MDN1: variants seen among roughly 807,000 people sequenced by gnomAD.
MDN1 encodes midasin.
MDN1 carries 266 observed loss-of-function variants against 669.2 expected under a neutral mutation model. The ratio of observed to expected loss-of-function variants is 0.40; its 90% CI spans 0.36 to 0.44. MDN1 has a LOEUF of 0.44. Ranked by LOEUF, MDN1 falls within the 20% of genes least tolerant of loss-of-function variation. The pLI, the probability that MDN1 is intolerant of heterozygous loss-of-function variation, is 1.00. For synonymous variants in MDN1, 2,385 were observed against 2,457.1 expected (o/e 0.97, Z 0.87); for missense variants, 5,940 against 6,754.0 (o/e 0.88, Z 4.22).
intron 23 of MDN1, among the ~76,000 whole-genome samples, chr6:89,751,114 G>C (rs1316754306): frequency 6.6e-6 from 1 of 152,014 alleles, no homozygotes; most frequent in Admixed American, 6.5e-5. Context: ...AACTATGCTG[G>C]CAACATTTGT....
rs1388019510 is a variant in MDN1 at position 89,743,143 on chromosome 6, C to T, written c.4448+7G>A. The T allele has an allele frequency of 6.2e-7, 1 of 1,613,846 alleles. No individual in the cohort carries two copies. The highest frequency in any genetic ancestry group is 1.1e-5 in the South Asian group (1 of 91,022). On this transcript the variant is annotated splice_region_variant and intron_variant, in intron 31 of 101. Coordinates refer to ENST00000369393, the MANE Select transcript of MDN1 (RefSeq NM_014611.3). ...TCAAACACAAGGCAAACCTCTCAGG[C>T]ACGTACCTGTTGAGTCTTTCCAAGA...
chr6:89,646,683 G>T, intron 99 of MDN1, 80 bp from the exon 100 acceptor site: 1 of 1,242,620 alleles, frequency 8.0e-7, no homozygotes, highest in South Asian at 1.2e-5. Flanking sequence ...TAGTATTTCT[G>T]ACATTGAAGT....
At chr6:89,734,104 G>A (rs1296874966) in intron 33 of MDN1, among the ~76,000 whole-genome samples, 3 of 151,978 alleles carry the variant, frequency 2.0e-5, no homozygotes, top group Admixed American at 1.3e-4. Context: ...GGCCAACATG[G>A]TGAAACCCCG....
At chr6:89,761,098 A>G (rs994447158) in intron 17 of MDN1, among the ~76,000 whole-genome samples, 3 of 152,126 alleles carry the variant, frequency 2.0e-5, no homozygotes, top group Admixed American at 1.3e-4. Context: ...CCCAGGAGGC[A>G]GAGCTTGCAG....
intron 1 of MDN1, among the ~76,000 whole-genome samples, chr6:89,806,966 T>C (rs977122943): frequency 3.9e-5 from 6 of 152,136 alleles, no homozygotes; most frequent in African/African-American, 1.4e-4. Flanking sequence ...TAATCTTAAA[T>C]ATAAAAATAT....
In MDN1 at chr6:89,810,268, T is replaced by G. The variant is rs369896873; in HGVS notation, c.103-6714A>C. Among the ~76,000 whole-genome samples, 29 of 151,824 alleles carry G rather than the reference T, an allele frequency of 1.9e-4. No homozygotes were observed. In the South Asian group the frequency reaches 6.0e-3, roughly 32 times the overall value. On this transcript the variant is annotated intron_variant, in intron 1 of 101. Transcript: ENST00000369393. ...CTGAGCAATACGGTGAAACCCCGTC[T>G]CTACTAAAAATACAAAAATTAGCCG...
intron 59 of MDN1, among the ~76,000 whole-genome samples, chr6:89,698,377 C>A (rs1349517541): frequency 6.6e-5 from 10 of 152,078 alleles, no homozygotes; most frequent in African/African-American, 2.4e-4. Flanking sequence ...AACACTTTAT[C>A]GGTAAGAAAG....
chr6:89,749,596 G>C lies in MDN1; in HGVS notation c.3562C>G (p.Arg1188Gly). 1 of 1,614,158 alleles carries C rather than the reference G, an allele frequency of 6.2e-7. No homozygotes were observed. The highest frequency in any genetic ancestry group is 8.5e-7 in the Non-Finnish European group (1 of 1,180,016). ...ETQEVVKAHPRFMLFATQNPP... is the reference protein window; with the variant it reads ...ETQEVVKAHPGFMLFATQNPP... ...TTTTGGGTGGCAAAAAGCATAAACCGAGGGTGTGCTTTAACAACTTCCTGT... is the reference window on the plus strand; with the variant it reads ...TTTTGGGTGGCAAAAAGCATAAACCCAGGGTGTGCTTTAACAACTTCCTGT... Residue 1188 changes from arginine to glycine, a missense_variant, in exon 25 of 102, where the codon CGG (arginine) becomes GGG (glycine). By Grantham distance (125) the Arg-to-Gly change is moderately radical (BLOSUM62 -2). Coordinates refer to ENST00000369393, the MANE Select transcript of MDN1 (RefSeq NM_014611.3).
intron 79 of MDN1, 127 bp from the exon 80 acceptor site, chr6:89,673,589 A>C (rs1358212835): frequency 1.3e-6 from 1 of 776,244 alleles, no homozygotes; most frequent in African/African-American, 1.7e-5. Flanking sequence ...ACGGCTAAAC[A>C]CATGCCACAA....
chr6:89,708,720 T>C (rs1158242336), intron 50 of MDN1, 92 bp from the exon 51 acceptor site: 5 of 1,367,116 alleles, frequency 3.7e-6, no homozygotes, highest in African/African-American at 1.4e-5. Context: ...TTGTTTTACT[T>C]TGAGCACATT....
chr6:89,662,520 G>GA (rs1235764854), intron 86 of MDN1, among the ~76,000 whole-genome samples: 1 of 152,126 alleles, frequency 6.6e-6, no homozygotes, highest in Non-Finnish European at 1.5e-5. Context: ...CTGGGAGCTG[G>GA]AAAAAATCAG....
chr6:89,714,899 A>G (rs900098032), intron 45 of MDN1, 148 bp from the exon 46 acceptor site: 9 of 661,300 alleles, frequency 1.4e-5, no homozygotes, highest in Non-Finnish European at 2.0e-5. Context: ...AGCATGCATC[A>G]ATATAGCAAA....
chr6:89,653,424 C>CT (rs1562036741), intron 93 of MDN1, among the ~76,000 whole-genome samples: 1 of 152,176 alleles, frequency 6.6e-6, no homozygotes, highest in Non-Finnish European at 1.5e-5. Context: ...CCTAAGAAGC[C>CT]TTGTAAAACT....
Position 89,745,479 on chromosome 6 carries a change from T to G in MDN1, c.4039+13A>C. Reference sequence around the variant, plus strand: ...CTCAAATCATATTCCTCTAGGGATTTTGGCCTACTCACCCAGCAATTTTAG... The same window carrying G: ...CTCAAATCATATTCCTCTAGGGATTGTGGCCTACTCACCCAGCAATTTTAG... On this transcript the variant is annotated intron_variant, in intron 28 of 101. Transcript: ENST00000369393. 1 of 1,614,128 alleles carries G rather than the reference T, an allele frequency of 6.2e-7. No individual in the cohort carries two copies. Among genetic ancestry groups the G allele is most frequent in the Non-Finnish European group, 8.5e-7 (1 of 1,179,992 alleles).
At position 89,700,672 on chromosome 6, in the gene MDN1, G is replaced by C; in HGVS notation, c.8612C>G (p.Ala2871Gly). The C allele has an allele frequency of 6.2e-7, 1 of 1,614,138 alleles. No individual in the cohort carries two copies. Among genetic ancestry groups the C allele is most frequent in the Non-Finnish European group, 8.5e-7 (1 of 1,180,020 alleles). ...TAGGCTGACATCTTCCAAAATATTT[G>C]CTCTGAGGATCAGTCCCCAGGCTTG... The part of the protein sequence containing the change: ...LLQAWGLILR[A>G]NILEDVSLDE... Residue 2871 changes from alanine (A) to glycine (G), a missense_variant, in exon 56 of 102, where the codon GCA (alanine) becomes GGA (glycine). This residue lies in a region of MDN1 where 2,292 missense variants were observed against 2,638.3 expected (regional missense o/e 0.87). Transcript: ENST00000369393.
rs149487165 is a variant in MDN1, at chr6:89,653,099, G to C, written c.15718C>G (p.Pro5240Ala). 1.5e-4 allele frequency: 236 copies of C among 1,613,978 alleles called. No homozygotes were observed. The African/African-American group carries it at 2.8e-3, about 19-fold the overall frequency. Residue 5240 changes from proline to alanine, a missense_variant, in exon 94 of 102, where the codon CCC becomes GCC. By Grantham distance (27) the Pro-to-Ala change is conservative. Transcript: ENST00000369393. ...TCCTTATGGGCTTTGTCTGTTCTGG[G>C]GTCTTGGTCTTCCTCTGTTTTAACA... The part of the protein sequence containing the change: ...QTVKTEEDQD[P>A]RTDKAHKETE...
intron 93 of MDN1, 51 bp from the exon 94 acceptor site, chr6:89,653,206 G>T: frequency 6.5e-7 from 1 of 1,538,900 alleles, no homozygotes; most frequent in Non-Finnish European, 8.8e-7. Context: ...CCTGATGACT[G>T]ACCAAGCCTT....
At chr6:89,649,562 C>T (rs899328550) in intron 97 of MDN1, among the ~76,000 whole-genome samples, 4 of 152,142 alleles carry the variant, frequency 2.6e-5, no homozygotes, top group Non-Finnish European at 2.9e-5. Context: ...ACTGATAGAA[C>T]AATAACTCTG....
chr6:89,696,984 C>T (rs1812800056), intron 59 of MDN1, among the ~76,000 whole-genome samples: 1 of 152,180 alleles, frequency 6.6e-6, no homozygotes, highest in African/African-American at 2.4e-5. Context: ...TAGCTGTCCA[C>T]AGCAAAGGGT....
Sources: gnomAD v4.1 joint callset for allele counts (sites outside exome capture counted in the v4.1 genomes callset) on GRCh38, gnomAD v4.1.1 for gene constraint, gnomAD v4.1.1 regional missense constraint, MANE v1.5 for transcripts, NCBI Gene and HGNC (gene_info 2026-07-23, HGNC 2026-07-21) for gene names.